Variants in ZBTB8B observed in about 807,000 individuals in gnomAD.
ZBTB8B encodes the protein zinc finger and BTB domain containing 8B, also known as zinc finger and BTB domain-containing protein 8B.
ZBTB8B carries 17 observed loss-of-function variants against 30.3 expected under a neutral mutation model. The observed-to-expected ratio is 0.56, with a 90% CI of 0.38 to 0.84. ZBTB8B has a LOEUF of 0.84. Among genes scored for constraint, ZBTB8B ranks in the 40% least tolerant of loss-of-function variants. The probability of loss-of-function intolerance (pLI) is 0.00; values close to 1 mark genes in which losing one functional copy is unlikely to be tolerated. For missense variants in ZBTB8B, 515 were observed against 644.9 expected (o/e 0.80, Z 2.18); for synonymous variants, 248 against 255.6 (o/e 0.97, Z 0.28).
intron 2 of ZBTB8B, among the ~76,000 whole-genome samples, chr1:32,477,969 T>G (rs1224507306): frequency 6.9e-6 from 1 of 144,268 alleles, no homozygotes; most frequent in Admixed American, 6.9e-5. Context: ...AGACAGGAGA[T>G]TCACTTGAAC....
intron 2 of ZBTB8B, among the ~76,000 whole-genome samples, chr1:32,473,414 T>C (rs936916823): frequency 2.0e-5 from 3 of 152,078 alleles, no homozygotes; most frequent in Non-Finnish European, 4.4e-5. Flanking sequence ...GTAGTGAAAG[T>C]CTTTTCCTTT....
In ZBTB8B at chr1:32,486,553, A is replaced by G. The variant is rs1643746030; in HGVS notation, c.*1135A>G. The G allele has an allele frequency of 6.6e-6, 1 of 152,208 alleles. No homozygotes were observed. The highest frequency in any genetic ancestry group is 2.1e-4 in the South Asian group (1 of 4,824). The allele number at this position is 152,208 out of a possible 1,614,324, so 9.4% of individuals were successfully genotyped here. On this transcript the variant is annotated 3_prime_UTR_variant, in exon 4 of 4. Coordinates refer to ENST00000609129, the MANE Select transcript of ZBTB8B (RefSeq NM_001145720.2). ...ATTAAGGGGCAGATTATGCAGCAAT[A>G]TTTAGGAAAATGGTGGTAACTTCCA... is the stretch of plus-strand genomic sequence containing the variant.
At chr1:32,475,641 A>G (rs1643659737) in intron 2 of ZBTB8B, among the ~76,000 whole-genome samples, 1 of 152,072 alleles carries the variant, frequency 6.6e-6, no homozygotes, top group Non-Finnish European at 1.5e-5. Flanking sequence ...CTAGAAAGGT[A>G]CTAGGGTTGA....
Position 32,484,979 on chromosome 1 carries a change from A to C in ZBTB8B, c.1171-122A>C, listed in dbSNP as rs1643732717. ...ACTAATACAAAGACTGTGGCAGAGA[A>C]TGCAGGTGGAGTGCTGAAAAAGGAA... is the stretch of plus-strand genomic sequence containing the variant. On this transcript the variant is annotated intron_variant, in intron 3 of 3. Transcript: ENST00000609129. This position sits in a 1 kb window ranked among gnomAD's most constrained non-coding sequence, Gnocchi z 4.5. 11 of 827,530 alleles carry C rather than the reference A, an allele frequency of 1.3e-5. 1 individual carries two copies. In the South Asian group the frequency reaches 1.9e-4, roughly 14 times the overall value. 51.3% of individuals were successfully genotyped at this position (827,530 alleles called of 1,614,324 possible). A position where few individuals can be genotyped will look rare whatever the true frequency, so the allele number is the denominator to read the frequency against.
At position 32,471,095 on chromosome 1, in the gene ZBTB8B, C is replaced by T; in HGVS notation, c.471C>T (p.Asp157=). 4.5e-6 allele frequency: 7 copies of T among 1,551,256 alleles called. No homozygotes were observed. Among genetic ancestry groups the T allele is most frequent in the Non-Finnish European group, 6.1e-6 (7 of 1,146,876 alleles). ...AAAAAAAHQV[D]SESPSSGREG... Reference sequence around the variant, plus strand: ...CAGCAGCGGCGGCTCATCAGGTTGACAGTGAAAGCCCCAGTTCAGGCCGGG... The same window carrying T: ...CAGCAGCGGCGGCTCATCAGGTTGATAGTGAAAGCCCCAGTTCAGGCCGGG... Residue 157 remains aspartate, a synonymous_variant, in exon 2 of 4, where the codon GAC becomes GAT. Coordinates refer to ENST00000609129, the MANE Select transcript of ZBTB8B (RefSeq NM_001145720.2).
At position 32,471,380 on chromosome 1, in the gene ZBTB8B, G is replaced by T. The variant is rs990568370; in HGVS notation, c.756G>T (p.Pro252=). Reference sequence around the variant, plus strand: ...AACAGCTGCAGCAGTATGCTGCCCCGCTGAACCTGGCCCACGTGGAGGAGG... The same window carrying T: ...AACAGCTGCAGCAGTATGCTGCCCCTCTGAACCTGGCCCACGTGGAGGAGG... ...VGEQLQQYAA[P]LNLAHVEEAL... The change falls in exon 2 of 4, where the codon CCG becomes CCT. Residue 252 remains proline, a synonymous_variant. Transcript: ENST00000609129. 1.3e-6 allele frequency: 2 copies of T among 1,551,686 alleles called. No individual in the cohort carries two copies. The highest frequency in any genetic ancestry group is 2.7e-5 in the African/African-American group (2 of 73,074).
rs1010473759 is a variant in ZBTB8B, at chr1:32,490,992, A to C, written c.*5574A>C. The C allele has an allele frequency of 2.0e-5, 3 of 152,128 alleles. No homozygotes were observed. The highest frequency in any genetic ancestry group is 7.2e-5 in the African/African-American group (3 of 41,414). 9.4% of individuals were successfully genotyped at this position (152,128 alleles called of 1,614,324 possible). A position where few individuals can be genotyped will look rare whatever the true frequency, so the allele number is the denominator to read the frequency against. On this transcript the variant is annotated 3_prime_UTR_variant, in exon 4 of 4. Coordinates refer to ENST00000609129, the MANE Select transcript of ZBTB8B (RefSeq NM_001145720.2). ...AGGAGAACATTTAGCATCCGTCTTG[A>C]CCCTCCAGGTAGATTATTTTACTAC...
rs1643740384 is a variant in ZBTB8B, at chr1:32,485,700, G to T, written c.*282G>T. 7.7e-6 allele frequency: 3 copies of T among 389,544 alleles called. No individual in the cohort carries two copies. The East Asian group carries it at 1.5e-4, about 20-fold the overall frequency. 24.1% of individuals were successfully genotyped at this position (389,544 alleles called of 1,614,324 possible). On this transcript the variant is annotated 3_prime_UTR_variant, in exon 4 of 4. Coordinates refer to ENST00000609129, the MANE Select transcript of ZBTB8B (RefSeq NM_001145720.2). Reference sequence around the variant, plus strand: ...TGAGGTCTCCTGTTTTTCTTGCTGTGTGTCCAAACTCTGGTTAGGAGAAAG... The same window carrying T: ...TGAGGTCTCCTGTTTTTCTTGCTGTTTGTCCAAACTCTGGTTAGGAGAAAG...
chr1:32,479,136 A>C (rs2148184271), intron 2 of ZBTB8B, among the ~76,000 whole-genome samples: 1 of 152,308 alleles, frequency 6.6e-6, no homozygotes, highest in South Asian at 2.1e-4. Flanking sequence ...TTCTGTACCT[A>C]GAAAGCTTGA....
intron 2 of ZBTB8B, among the ~76,000 whole-genome samples, chr1:32,473,315 A>G (rs1643638053): frequency 6.6e-6 from 1 of 151,958 alleles, no homozygotes; most frequent in Admixed American, 6.6e-5. Flanking sequence ...CAAAAAAAAA[A>G]AGAAAGAAAG....
chr1:32,470,916 G>C lies in ZBTB8B; in HGVS notation c.292G>C (p.Val98Leu). 1 of 1,552,206 alleles carries C rather than the reference G, an allele frequency of 6.4e-7. No individual in the cohort carries two copies. Residue 98 changes from valine (V) to leucine (L), a missense_variant, in exon 2 of 4, where the codon GTG (valine) becomes CTG (leucine). Coordinates refer to ENST00000609129, the MANE Select transcript of ZBTB8B (RefSeq NM_001145720.2). ...LDLCGENVIE[V>L]MSAASYLQMN... ...TTTGTGTGGGGAGAATGTGATTGAAGTGATGTCGGCTGCCAGCTACCTGCA... is the reference window on the plus strand; with the variant it reads ...TTTGTGTGGGGAGAATGTGATTGAACTGATGTCGGCTGCCAGCTACCTGCA...
Position 32,470,988 on chromosome 1 carries a change from C to A in ZBTB8B, c.364C>A (p.Leu122Ile). 1 of 1,552,222 alleles carries A rather than the reference C, an allele frequency of 6.4e-7. No individual in the cohort carries two copies. ...CTGCAAGACATACATTAGGTCATCCCTCGACATTTGCCGAAAGATGGAGAA... is the reference window on the plus strand; with the variant it reads ...CTGCAAGACATACATTAGGTCATCCATCGACATTTGCCGAAAGATGGAGAA... ...NFCKTYIRSS[L>I]DICRKMEKEA... The change falls in exon 2 of 4, where the codon CTC (leucine) becomes ATC (isoleucine). Residue 122 changes from leucine (L) to isoleucine (I), a missense_variant. Leu to Ile is a conservative substitution (Grantham distance 5). This residue lies in a region of ZBTB8B where 429 missense variants were observed against 504.3 expected (regional missense o/e 0.85). Coordinates refer to ENST00000609129, the MANE Select transcript of ZBTB8B (RefSeq NM_001145720.2).
In ZBTB8B at chr1:32,494,563, G is replaced by C. The variant is rs955567582; in HGVS notation, c.*9145G>C. 6.6e-6 allele frequency: 1 copy of C among 152,006 alleles called. No homozygotes were observed. 9.4% of individuals were successfully genotyped at this position (152,006 alleles called of 1,614,324 possible). A position where few individuals can be genotyped will look rare whatever the true frequency, so the allele number is the denominator to read the frequency against. ...GACAGGGAGGGGGAAATCACATTTT[G>C]AGCATGGGGGAGTTAATTTCTTTGT... On this transcript the variant is annotated 3_prime_UTR_variant, in exon 4 of 4. Transcript: ENST00000609129.
In ZBTB8B at chr1:32,485,631, C is replaced by T. The variant is rs1643739883; in HGVS notation, c.*213C>T. 2 of 567,972 alleles carry T rather than the reference C, an allele frequency of 3.5e-6. No individual in the cohort carries two copies. The highest frequency in any genetic ancestry group is 3.8e-5 in the African/African-American group (2 of 53,268). The allele number at this position is 567,972 out of a possible 1,614,324, so 35.2% of individuals were successfully genotyped here. A position where few individuals can be genotyped will look rare whatever the true frequency, so the allele number is the denominator to read the frequency against. On this transcript the variant is annotated 3_prime_UTR_variant, in exon 4 of 4. Coordinates refer to ENST00000609129, the MANE Select transcript of ZBTB8B (RefSeq NM_001145720.2). ...GTGTGGTGCCCTTGGTTTCTGAGGG[C>T]TTTGCTGGCCACTCCTTAATTCTGA...
rs147669455 is a variant in ZBTB8B, at chr1:32,471,497, G to C, written c.873G>C (p.Pro291=). Residue 291 remains proline (P), a synonymous_variant, in exon 2 of 4, where the codon CCG becomes CCC. Coordinates refer to ENST00000609129, the MANE Select transcript of ZBTB8B (RefSeq NM_001145720.2). ...LEALLRNSAA[P]SKDDADHHFS... is the part of the protein sequence containing the mutation. ...CGCTCTTGCGCAACAGCGCTGCCCCGAGCAAGGATGATGCAGACCATCACT... is the reference window on the plus strand; with the variant it reads ...CGCTCTTGCGCAACAGCGCTGCCCCCAGCAAGGATGATGCAGACCATCACT... 1.9e-6 allele frequency: 3 copies of C among 1,551,698 alleles called. No homozygotes were observed. The highest frequency in any genetic ancestry group is 2.7e-5 in the African/African-American group (2 of 73,078).
In ZBTB8B at chr1:32,471,631, A is replaced by G; in HGVS notation, c.991+16A>G. The G allele has an allele frequency of 6.5e-7, 1 of 1,540,838 alleles. No homozygotes were observed. The highest frequency in any genetic ancestry group is 8.8e-7 in the Non-Finnish European group (1 of 1,138,582). On this transcript the variant is annotated intron_variant, in intron 2 of 3. Transcript: ENST00000609129. ...GAGGACTCAGGTGAGCTCCCTTAGC[A>G]TTCATCAGCCCTGCCAGTGATTGAG...
chr1:32,469,298 T>C (rs1643598419), intron 1 of ZBTB8B, among the ~76,000 whole-genome samples: 1 of 135,496 alleles, frequency 7.4e-6, no homozygotes, highest in Non-Finnish European at 1.5e-5. Flanking sequence ...CAGGCTGGAG[T>C]GTAGTGGCGC....
chr1:32,478,740 G>A (rs1009601926), intron 2 of ZBTB8B, among the ~76,000 whole-genome samples: 5 of 152,174 alleles, frequency 3.3e-5, no homozygotes, highest in African/African-American at 1.2e-4. Context: ...CATAAAGGAT[G>A]TTGGACTTTC....
intron 1 of ZBTB8B, among the ~76,000 whole-genome samples, chr1:32,469,793 C>T (rs981864831): frequency 1.3e-5 from 2 of 152,156 alleles, no homozygotes; most frequent in Non-Finnish European, 2.9e-5. Context: ...AAACAGTAAG[C>T]ACTGTGCTCA....
Sources: gnomAD v4.1 joint callset for allele counts (sites outside exome capture counted in the v4.1 genomes callset) on GRCh38, gnomAD v4.1.1 for gene constraint, gnomAD v4.1.1 regional missense constraint, Gnocchi (gnomAD v3.1) non-coding constraint, MANE v1.5 for transcripts, NCBI Gene and HGNC (gene_info 2026-07-23, HGNC 2026-07-21) for gene names.